The following PFKP variants were observed in gnomAD, a reference collection of about 807,000 sequenced individuals.
PFKP encodes phosphofructokinase, platelet.
PFKP carries 101 observed loss-of-function variants against 94.3 expected under a neutral mutation model. The observed-to-expected ratio is 1.07, with a 90% CI of 0.91 to 1.26. PFKP has a LOEUF of 1.26. Ranked by LOEUF, PFKP falls within the 50% of genes most tolerant of loss-of-function variation. The probability of loss-of-function intolerance (pLI) is 0.00; values close to 1 mark genes in which losing one functional copy is unlikely to be tolerated. For synonymous variants in PFKP, 573 were observed against 432.6 expected, an observed-to-expected ratio of 1.32 and a Z score of -4.03; for missense variants, 1,145 against 1,103.3, an observed-to-expected ratio of 1.04 and a Z score of -0.53.
At chr10:3,102,250 C>CCAAAAAAAAAAA (rs1835088878) in intron 4 of PFKP, among the ~76,000 whole-genome samples, 2 of 54,776 alleles carry the variant, frequency 3.7e-5, no homozygotes. Context: ...GACTCTGTCT[C>CCAAAAAAAAAAA]AAAAAAAAAA....
chr10:3,114,155 CT>C (rs72054829), intron 13 of PFKP, among the ~76,000 whole-genome samples: 4 of 147,524 alleles, frequency 2.7e-5, no homozygotes, highest in African/African-American at 2.5e-5. Context: ...TTGTGAAATT[CT>C]TTTTTTTTTT....
At chr10:3,072,726 A>G (rs1490901537) in intron 1 of PFKP, among the ~76,000 whole-genome samples, 1 of 151,902 alleles carries the variant, frequency 6.6e-6, no homozygotes, top group African/African-American at 2.4e-5. Flanking sequence ...CAGGACTCCA[A>G]CCTTTTATCA....
At position 3,067,577 on chromosome 10, in the gene PFKP, T is replaced by A; in HGVS notation, c.-19T>A. On this transcript the variant is annotated 5_prime_UTR_variant, in exon 1 of 22. Coordinates refer to ENST00000381125, the MANE Select transcript of PFKP (RefSeq NM_002627.5). ...CCTGCTGCGCACCCGGACGTGCGGC[T>A]CCCCTCGGCCTCCTCGCCATGGACG... The A allele has an allele frequency of 7.2e-7, 1 of 1,379,622 alleles. No homozygotes were observed. Among genetic ancestry groups the A allele is most frequent in the Non-Finnish European group, 9.9e-7 (1 of 1,009,542 alleles). The allele number at this position is 1,379,622 out of a possible 1,614,324, so 85.5% of individuals were successfully genotyped here.
At chr10:3,135,283 GAC>G (rs1225124361) in intron 20 of PFKP, among the ~76,000 whole-genome samples, 1 of 151,978 alleles carries the variant, frequency 6.6e-6, no homozygotes, top group Non-Finnish European at 1.5e-5. Context: ...TTAGAAAAAT[GAC>G]AGTCTATAAA....
intron 14 of PFKP, among the ~76,000 whole-genome samples, chr10:3,118,242 G>A (rs1430677964): frequency 6.6e-6 from 1 of 152,214 alleles, no homozygotes; most frequent in East Asian, 1.9e-4. Flanking sequence ...GCTGAGGCAG[G>A]TGGATCAGGA....
chr10:3,101,975 G>C (rs947895821), intron 4 of PFKP, among the ~76,000 whole-genome samples: 1 of 152,138 alleles, frequency 6.6e-6, no homozygotes, highest in African/African-American at 2.4e-5. Context: ...AGTTGGGCCG[G>C]GCGCGGTGGC....
At chr10:3,127,932 C>T (rs1040452717) in intron 16 of PFKP, among the ~76,000 whole-genome samples, 12 of 152,216 alleles carry the variant, frequency 7.9e-5, no homozygotes, top group African/African-American at 2.9e-4. Context: ...TTTTAGATTT[C>T]ATCCGAAGTG....
At chr10:3,081,138 A>T (rs1588403159) in intron 1 of PFKP, among the ~76,000 whole-genome samples, 1 of 152,378 alleles carries the variant, frequency 6.6e-6, no homozygotes, top group East Asian at 1.9e-4. Flanking sequence ...CATAGTAAAC[A>T]TGCATTTACC....
chr10:3,136,393 G>T, intron 21 of PFKP, 57 bp from the exon 22 acceptor site: 1 of 1,594,516 alleles, frequency 6.3e-7, no homozygotes, highest in Non-Finnish European at 8.6e-7. Context: ...TGGCCAGGCG[G>T]AGGCATCTCC....
intron 14 of PFKP, 54 bp from the exon 15 acceptor site, chr10:3,118,728 G>A (rs1243601653): frequency 4.5e-6 from 6 of 1,343,450 alleles, no homozygotes; most frequent in South Asian, 2.4e-5. Context: ...GGCGTCCTGC[G>A]GACCGCGTGG....
chr10:3,091,412 T>C (rs1834030844), intron 2 of PFKP, among the ~76,000 whole-genome samples: 1 of 152,140 alleles, frequency 6.6e-6, no homozygotes, highest in Admixed American at 6.5e-5. Context: ...CAGGAAACAG[T>C]CGGCTCCTTG....
intron 16 of PFKP, among the ~76,000 whole-genome samples, chr10:3,126,274 C>T (rs1328405980): frequency 2.6e-5 from 4 of 152,230 alleles, no homozygotes; most frequent in Non-Finnish European, 5.9e-5. Flanking sequence ...AGCTGAGGGG[C>T]GTGTCCTGGC....
chr10:3,095,236 C>CACGCATAGGTGAACTACGCG (rs559127368), intron 2 of PFKP, among the ~76,000 whole-genome samples: 1 of 151,600 alleles, frequency 6.6e-6, no homozygotes, highest in Non-Finnish European at 1.5e-5. Flanking sequence ...AGAAAGCCAC[C>CACGCATAGGTGAACTACGCG]CATAGGTGAA....
intron 1 of PFKP, among the ~76,000 whole-genome samples, chr10:3,081,286 G>C (rs1229481894): frequency 6.6e-6 from 1 of 152,206 alleles, no homozygotes; most frequent in African/African-American, 2.4e-5. Flanking sequence ...CATCTTCTGA[G>C]CCGGTCACCG....
At chr10:3,094,569 G>A (rs1042249181) in intron 2 of PFKP, among the ~76,000 whole-genome samples, 2 of 152,146 alleles carry the variant, frequency 1.3e-5, no homozygotes, top group African/African-American at 4.8e-5. Flanking sequence ...CAGGGCTTGG[G>A]ATGTGTGTTG....
chr10:3,135,041 A>C (rs1046836139), intron 20 of PFKP, among the ~76,000 whole-genome samples: 10 of 151,998 alleles, frequency 6.6e-5, no homozygotes, highest in African/African-American at 1.4e-4. Context: ...TTCTTCCTTA[A>C]ATCAGTTCTG....
intron 21 of PFKP, 100 bp from the exon 22 acceptor site, chr10:3,136,350 A>C: frequency 3.2e-6 from 4 of 1,245,604 alleles, no homozygotes; most frequent in Middle Eastern, 2.4e-4. Flanking sequence ...GACCCTACAA[A>C]CCCTGTGTTT....
intron 16 of PFKP, chr10:3,125,088 C>G: frequency 7.9e-7 from 1 of 1,260,026 alleles, no homozygotes; most frequent in Non-Finnish European, 1.0e-6. Flanking sequence ...CTTGGCCCTG[C>G]TGCTTCAGGC....
intron 3 of PFKP, among the ~76,000 whole-genome samples, chr10:3,100,161 G>A (rs1266244611): frequency 6.6e-6 from 1 of 151,808 alleles, no homozygotes; most frequent in Admixed American, 6.6e-5. Context: ...TTCCTGAGTT[G>A]CGGCCACCTC....
Sources: allele counts gnomAD v4.1 joint callset (sites outside exome capture counted in the v4.1 genomes callset), GRCh38; gene constraint gnomAD v4.1.1; transcripts MANE v1.5; gene names NCBI Gene and HGNC (gene_info 2026-07-23, HGNC 2026-07-21).